Variants in LARP4B observed in about 807,000 individuals in gnomAD.
The protein encoded by LARP4B is La ribonucleoprotein 4B.
A neutral mutation model predicts 89.8 loss-of-function variants in LARP4B; 12 were observed. The observed-to-expected ratio is 0.13, with a 90% CI of 0.09 to 0.22. The LOEUF (loss-of-function observed/expected upper bound fraction) is 0.22. Among genes scored for constraint, LARP4B ranks in the 10% least tolerant of loss-of-function variants. The pLI is 1.00. For missense variants in LARP4B, 757 were observed against 947.7 expected (o/e 0.80, Z 2.64); for synonymous variants, 367 against 363.3 (o/e 1.01, Z -0.12).
chr10:975,423 A>G, the LARP4B span, among the ~76,000 whole-genome samples: 1 of 152,258 alleles, frequency 6.6e-6, no homozygotes, highest in East Asian at 1.9e-4. Context: ...TTCACTAAAC[A>G]CCCTGAGGTG....
At position 863,853 on chromosome 10, in the gene LARP4B, C is replaced by T; in HGVS notation, c.320G>A (p.Gly107Asp). 3 of 1,613,730 alleles carry T rather than the reference C, an allele frequency of 1.9e-6. No individual in the cohort carries two copies. Among genetic ancestry groups the T allele is most frequent in the Non-Finnish European group, 2.5e-6 (3 of 1,179,924 alleles). Reference sequence around the variant, plus strand: ...GTCTGGCAATGCGGCATTCTCATGGCCCTGGTCACCATCACCATTGGCATC... The same window carrying T: ...GTCTGGCAATGCGGCATTCTCATGGTCCTGGTCACCATCACCATTGGCATC... ...GSDANGDGDQ[G>D]HENAALPDPQ... Residue 107 changes from glycine to aspartate, a missense_variant, in exon 5 of 18, where the codon GGC becomes GAC. By Grantham distance (94) the Gly-to-Asp change is moderately conservative (BLOSUM62 -1). Transcript: ENST00000316157.
the LARP4B span, among the ~76,000 whole-genome samples, chr10:949,668 T>C: frequency 6.6e-6 from 1 of 152,242 alleles, no homozygotes; most frequent in Non-Finnish European, 1.5e-5. Context: ...TTGTTGTTGT[T>C]TTAATTTGCA....
the LARP4B span, among the ~76,000 whole-genome samples, chr10:939,227 C>T: frequency 6.6e-6 from 1 of 152,144 alleles, no homozygotes; most frequent in Non-Finnish European, 1.5e-5. Context: ...ATGAAGGAGT[C>T]CCGCTCAGGC....
At chr10:897,987 CAAAAA>C (rs58452748) in intron 1 of LARP4B, among the ~76,000 whole-genome samples, 1 of 25,626 alleles carries the variant, frequency 3.9e-5, no homozygotes, top group Non-Finnish European at 7.0e-5. Flanking sequence ...GGCTCCATCT[CAAAAA>C]AAAAAAAAAA....
chr10:928,597 G>A (rs143557584), intron 1 of LARP4B, among the ~76,000 whole-genome samples: 10 of 152,200 alleles, frequency 6.6e-5, no homozygotes, highest in Middle Eastern at 3.4e-3. Flanking sequence ...TTTTGGGGGT[G>A]GGGGGAGACA....
chr10:979,429 G>A, the LARP4B span, among the ~76,000 whole-genome samples: 2 of 152,172 alleles, frequency 1.3e-5, no homozygotes, highest in African/African-American at 4.8e-5. Flanking sequence ...AGAATTATAA[G>A]GAGGAGAGAC....
Position 814,015 on chromosome 10 carries a change from A to G in LARP4B, c.1929+727T>C, listed in dbSNP as rs1010379474. On this transcript the variant is annotated intron_variant, in intron 17 of 17. Coordinates refer to ENST00000316157, the MANE Select transcript of LARP4B (RefSeq NM_015155.3). The surrounding 1 kb of genome is among the most constrained non-coding windows in gnomAD (Gnocchi z 4.4). ...ACAGGGTTTCACCATGTTGTTCAGG[A>G]CTGTCTGGATCTCCTGACCGCATGA... Among the ~76,000 whole-genome samples the G allele has an allele frequency of 6.6e-6, 1 of 151,934 alleles. No individual in the cohort carries two copies. Among genetic ancestry groups the G allele is most frequent in the Non-Finnish European group, 1.5e-5 (1 of 67,984 alleles).
At chr10:943,607 C>T in the LARP4B span, among the ~76,000 whole-genome samples, 1 of 152,132 alleles carries the variant, frequency 6.6e-6, no homozygotes, top group South Asian at 2.1e-4. Context: ...TTTTCAGCCT[C>T]CATTCTGAGT....
intron 5 of LARP4B, among the ~76,000 whole-genome samples, chr10:859,559 G>A (rs986905631): frequency 2.6e-5 from 4 of 152,232 alleles, no homozygotes; most frequent in Non-Finnish European, 5.9e-5. Flanking sequence ...ACTTCCTTCC[G>A]TACAAAAACC....
chr10:864,816 G>C (rs568767462), intron 3 of LARP4B, among the ~76,000 whole-genome samples: 17 of 152,180 alleles, frequency 1.1e-4, no homozygotes, highest in Non-Finnish European at 2.4e-4. Flanking sequence ...AGCCGGGCGT[G>C]GTGGCGCATG....
At chr10:878,662 T>C (rs781439452) in intron 3 of LARP4B, among the ~76,000 whole-genome samples, 9 of 152,262 alleles carry the variant, frequency 5.9e-5, no homozygotes, top group South Asian at 2.1e-4. Context: ...TCCACACACA[T>C]GTAAGGACAC....
At chr10:912,077 T>C (rs1286427183) in intron 1 of LARP4B, among the ~76,000 whole-genome samples, 1 of 152,202 alleles carries the variant, frequency 6.6e-6, no homozygotes, top group Admixed American at 6.5e-5. Flanking sequence ...GTCCTTGCAG[T>C]GAGAAGCACT....
rs1044709228 is a variant in LARP4B at position 822,038 on chromosome 10, G to C, written c.1485-1193C>G. 6.6e-6 allele frequency among the ~76,000 whole-genome samples: 1 copy of C among 152,178 alleles called. No individual in the cohort carries two copies. Among genetic ancestry groups the C allele is most frequent in the Non-Finnish European group, 1.5e-5 (1 of 68,030 alleles). On this transcript the variant is annotated intron_variant, in intron 13 of 17. Transcript: ENST00000316157. The surrounding 1 kb of genome is among the most constrained non-coding windows in gnomAD (Gnocchi z 4.6). ...GAGAGGGTCCTGGGCCTGCATTATGGACAGCCACCCCAGTACACACCTGGC... is the reference window on the plus strand; with the variant it reads ...GAGAGGGTCCTGGGCCTGCATTATGCACAGCCACCCCAGTACACACCTGGC...
At chr10:918,357 G>C (rs904433479) in intron 1 of LARP4B, among the ~76,000 whole-genome samples, 109 of 152,142 alleles carry the variant, frequency 7.2e-4, no homozygotes, top group African/African-American at 2.6e-3. Flanking sequence ...GACAGGCCGG[G>C]GATGATGGCA....
At chr10:963,982 G>T in the LARP4B span, among the ~76,000 whole-genome samples, 1 of 152,194 alleles carries the variant, frequency 6.6e-6, no homozygotes, top group Non-Finnish European at 1.5e-5. Flanking sequence ...GGAGAATGTG[G>T]TAAGTTCCAT....
chr10:928,203 CAA>C (rs894089148), intron 1 of LARP4B, among the ~76,000 whole-genome samples: 2 of 144,992 alleles, frequency 1.4e-5, no homozygotes, highest in East Asian at 2.0e-4. Flanking sequence ...GCTTGGGCGA[CAA>C]GAGTGAAAGT....
Position 889,462 on chromosome 10 carries a change from C to T in LARP4B, c.-39-3702G>A, listed in dbSNP as rs1429579271. 2.0e-5 allele frequency among the ~76,000 whole-genome samples: 3 copies of T among 152,280 alleles called. No individual in the cohort carries two copies. The East Asian group carries it at 5.8e-4, about 29-fold the overall frequency. Reference sequence around the variant, plus strand: ...CACACCTTTGGGATGTGGGAAGAAACTGGAATACCCGTAAGAAAACACGCA... The same window carrying T: ...CACACCTTTGGGATGTGGGAAGAAATTGGAATACCCGTAAGAAAACACGCA... On this transcript the variant is annotated intron_variant, in intron 1 of 17. Transcript: ENST00000316157.
intron 7 of LARP4B, among the ~76,000 whole-genome samples, chr10:840,713 T>C (rs926990862): frequency 6.6e-6 from 1 of 152,228 alleles, no homozygotes; most frequent in African/African-American, 2.4e-5. Context: ...ATGTAACTTA[T>C]GCAACTTAAC....
chr10:903,652 C>CCG (rs1836404683), intron 1 of LARP4B: 1 of 152,242 alleles, frequency 6.6e-6, no homozygotes, highest in Admixed American at 6.5e-5. Context: ...GTAGAGTACA[C>CCG]CGCTTCACTC....
Sources: gnomAD v4.1 joint callset for allele counts (sites outside exome capture counted in the v4.1 genomes callset) on GRCh38, gnomAD v4.1.1 for gene constraint, Gnocchi (gnomAD v3.1) non-coding constraint, MANE v1.5 for transcripts, NCBI Gene and HGNC (gene_info 2026-07-23, HGNC 2026-07-21) for gene names.